Variants in FSD2 observed in about 807,000 individuals in gnomAD.
The protein encoded by FSD2 is fibronectin type III and SPRY domain-containing protein 2.
Under a neutral mutation model 80.4 loss-of-function variants are expected in FSD2, and 71 were observed. The ratio of observed to expected loss-of-function variants is 0.88; its 90% confidence interval spans 0.73 to 1.08. The LOEUF (loss-of-function observed/expected upper bound fraction) is 1.08. Among genes scored for constraint, FSD2 ranks in the 50% least tolerant of loss-of-function variants. The pLI, the probability that FSD2 is intolerant of heterozygous loss-of-function variation, is 0.00. For missense variants in FSD2, 923 were observed against 913.8 expected, an observed-to-expected ratio of 1.01 and a Z score of -0.13; for synonymous variants, 361 against 329.5, an observed-to-expected ratio of 1.10 and a Z score of -1.03.
intron 11 of FSD2, among the ~76,000 whole-genome samples, chr15:82,763,167 T>G (rs889156609): frequency 6.6e-5 from 10 of 152,212 alleles, no homozygotes; most frequent in Non-Finnish European, 7.3e-5. Flanking sequence ...AAATTCAGAA[T>G]GTCCCAAATG....
At position 82,759,406 on chromosome 15, in the gene FSD2, G is replaced by T; in HGVS notation, c.2192C>A (p.Pro731His). The stretch of plus-strand genomic sequence containing the variant: ...GCCATTATGTACCTTTAGACACCCA[G>T]GCTTTTCCAAAGAAAAACAGGGATG... ...FVHPCFSLEK[P>H]GCLKVHNGIS... Residue 731 changes from proline to histidine, a missense_variant, in exon 13 of 13, where the codon CCT (proline) becomes CAT (histidine). Coordinates refer to ENST00000334574, the MANE Select transcript of FSD2 (RefSeq NM_001007122.4). 2 of 1,613,714 alleles carry T rather than the reference G, an allele frequency of 1.2e-6. No individual in the cohort carries two copies. The highest frequency in any genetic ancestry group is 2.2e-5 in the South Asian group (2 of 91,020).
intron 7 of FSD2, among the ~76,000 whole-genome samples, chr15:82,771,001 T>G (rs1037411891): frequency 3.3e-5 from 5 of 152,144 alleles, no homozygotes; most frequent in African/African-American, 1.2e-4. Flanking sequence ...ACCCCCCTTT[T>G]CAAAGCTCCT....
At chr15:82,784,265 T>TA (rs1010660106) in intron 3 of FSD2, among the ~76,000 whole-genome samples, 1 of 144,466 alleles carries the variant, frequency 6.9e-6, no homozygotes, top group Admixed American at 7.0e-5. Flanking sequence ...ATTTTTTTTT[T>TA]ATGGAGCCTC....
intron 7 of FSD2, among the ~76,000 whole-genome samples, chr15:82,771,316 T>C (rs1177400577): frequency 6.6e-6 from 1 of 152,246 alleles, no homozygotes; most frequent in Admixed American, 6.5e-5. Flanking sequence ...TCTAAGTCTC[T>C]TTCCAGCAAT....
intron 1 of FSD2, among the ~76,000 whole-genome samples, chr15:82,794,450 C>T (rs1382151836): frequency 6.6e-6 from 1 of 152,150 alleles, no homozygotes; most frequent in Non-Finnish European, 1.5e-5. Context: ...AATGTGTATT[C>T]TGCTTCTGCT....
intron 1 of FSD2, among the ~76,000 whole-genome samples, chr15:82,787,713 C>T (rs924426647): frequency 2.0e-5 from 3 of 147,804 alleles, no homozygotes; most frequent in African/African-American, 7.3e-5. Context: ...ATACTTCCCT[C>T]ATACATTAAA....
intron 1 of FSD2, among the ~76,000 whole-genome samples, chr15:82,792,454 A>T (rs891115004): frequency 3.9e-5 from 6 of 152,130 alleles, no homozygotes; most frequent in Admixed American, 6.5e-5. Context: ...CCCATTTTTA[A>T]ATTGGATTAT....
intron 1 of FSD2, among the ~76,000 whole-genome samples, chr15:82,804,863 C>G (rs2050492251): frequency 6.6e-6 from 1 of 152,192 alleles, no homozygotes. Context: ...ACACACCCTA[C>G]AGTTAACAGT....
intron 1 of FSD2, among the ~76,000 whole-genome samples, chr15:82,788,577 A>G (rs77907196): frequency 6.6e-6 from 1 of 151,576 alleles, no homozygotes; most frequent in Non-Finnish European, 1.5e-5. Context: ...GTTAGAAAAT[A>G]TTTAAAAATA....
Position 82,766,886 on chromosome 15 carries a change from C to G in FSD2, c.1554-855G>C, listed in dbSNP as rs1407335399. On this transcript the variant is annotated intron_variant, in intron 9 of 12. Coordinates refer to ENST00000334574, the MANE Select transcript of FSD2 (RefSeq NM_001007122.4). Reference sequence around the variant, plus strand: ...AAATTGTACTATACAGAAATATAAGCTCATAATTGCCACTGTCTATATTGC... The same window carrying G: ...AAATTGTACTATACAGAAATATAAGGTCATAATTGCCACTGTCTATATTGC... Among the ~76,000 whole-genome samples the G allele has an allele frequency of 3.3e-5, 5 of 152,176 alleles. No individual in the cohort carries two copies. In the East Asian group the frequency reaches 9.6e-4, roughly 29 times the overall value.
chr15:82,788,578 T>C (rs2050065639), intron 1 of FSD2, among the ~76,000 whole-genome samples: 1 of 150,998 alleles, frequency 6.6e-6, no homozygotes, highest in Admixed American at 6.6e-5. Flanking sequence ...TTAGAAAATA[T>C]TTAAAAATAT....
At chr15:82,784,568 G>A (rs368994687) in intron 3 of FSD2, among the ~76,000 whole-genome samples, 6 of 152,056 alleles carry the variant, frequency 3.9e-5, no homozygotes, top group African/African-American at 1.2e-4. Context: ...TTTTGTCTTC[G>A]ATGTTGTACA....
rs2049311366 is a variant in FSD2, at chr15:82,762,280, T to C, written c.1821-2A>G. The C allele has an allele frequency of 1.2e-6, 2 of 1,612,990 alleles. No homozygotes were observed. Among genetic ancestry groups the C allele is most frequent in the Admixed American group, 3.3e-5 (2 of 59,902 alleles). ...AGATTTCCCATGACAGCAACACACC[T>C]GGTTTTAGAAAGTGGAAGCATGTGT... On this transcript the variant is annotated splice_acceptor_variant, in intron 11 of 12. Transcript: ENST00000334574. LOFTEE classifies it high-confidence loss of function.
intron 4 of FSD2, 70 bp from the exon 5 acceptor site, chr15:82,780,337 CTT>C (rs774635552): frequency 1.6e-3 from 1,376 of 878,376 alleles, no homozygotes; most frequent in Middle Eastern, 2.6e-3. Context: ...TTCTTTCTTT[CTT>C]TTTTTTTTTT....
intron 12 of FSD2, among the ~76,000 whole-genome samples, chr15:82,760,721 GCACGTGTGTGCGTGCACGCACACAC>G: frequency 8.4e-6 from 1 of 119,168 alleles, no homozygotes; most frequent in Non-Finnish European, 1.7e-5. Flanking sequence ...TAACGTGTGT[GCACGTGTGTGCGTGCACGCACACAC>G]ACACACACAC....
chr15:82,772,668 A>G (rs1194281967), intron 6 of FSD2, among the ~76,000 whole-genome samples: 1 of 152,216 alleles, frequency 6.6e-6, no homozygotes, highest in African/African-American at 2.4e-5. Context: ...CATCTCCCAC[A>G]TTAATGAGAG....
At chr15:82,765,358 CG>C (rs1274235944) in intron 10 of FSD2, 60 bp from the exon 11 acceptor site, 3 of 1,606,460 alleles carry the variant, frequency 1.9e-6, no homozygotes, top group Non-Finnish European at 2.5e-6. Flanking sequence ...TCCATGTGGG[CG>C]GTGGTCACCG....
At chr15:82,804,518 C>T (rs550768011) in intron 1 of FSD2, among the ~76,000 whole-genome samples, 21 of 152,084 alleles carry the variant, frequency 1.4e-4, no homozygotes, top group Admixed American at 6.5e-4. Context: ...TGACACACAA[C>T]CAGTCAGGTG....
At chr15:82,798,137 G>A (rs1371756268) in intron 1 of FSD2, among the ~76,000 whole-genome samples, 2 of 151,830 alleles carry the variant, frequency 1.3e-5, no homozygotes, top group South Asian at 4.2e-4. Context: ...TTAGGAGTTC[G>A]AGACCAGCCT....
Sources: allele counts gnomAD v4.1 joint callset (sites outside exome capture counted in the v4.1 genomes callset), GRCh38; gene constraint gnomAD v4.1.1; transcripts MANE v1.5; gene names NCBI Gene and HGNC (gene_info 2026-07-23, HGNC 2026-07-21).